ZNF804A: variants seen among roughly 807,000 people sequenced by gnomAD.
ZNF804A encodes zinc finger protein 804A.
In ZNF804A, 2 loss-of-function variants were observed where a neutral mutation model predicts 16.5. That is an observed-to-expected ratio of 0.12 (90% CI 0.05 to 0.38). ZNF804A has a LOEUF of 0.38. Among genes scored for constraint, ZNF804A ranks in the 10% least tolerant of loss-of-function variants. The pLI is 0.99. For missense variants in ZNF804A, 1,473 were observed against 1,390.7 expected (o/e 1.06, Z -0.94); for synonymous variants, 534 against 489.6 (o/e 1.09, Z -1.20).
chr2:184,604,532 A>G (rs1691110872), intron 1 of ZNF804A, among the ~76,000 whole-genome samples: 1 of 152,082 alleles, frequency 6.6e-6, no homozygotes, highest in Non-Finnish European at 1.5e-5. Flanking sequence ...TCTAGAGGTT[A>G]ATGGAATTAT....
At chr2:184,624,591 T>A (rs1279212998) in intron 1 of ZNF804A, among the ~76,000 whole-genome samples, 1 of 152,154 alleles carries the variant, frequency 6.6e-6, no homozygotes, top group Non-Finnish European at 1.5e-5. Flanking sequence ...GAATTATTCA[T>A]AACAGAGGTT....
chr2:184,606,421 G>A (rs1489829214), intron 1 of ZNF804A, among the ~76,000 whole-genome samples: 1 of 152,072 alleles, frequency 6.6e-6, no homozygotes, highest in Non-Finnish European at 1.5e-5. Flanking sequence ...GAACAGCATG[G>A]GGGAAACTGC....
chr2:184,649,435 A>G (rs577841880), intron 1 of ZNF804A, among the ~76,000 whole-genome samples: 1 of 152,144 alleles, frequency 6.6e-6, no homozygotes, highest in East Asian at 1.9e-4. Flanking sequence ...TAAAATCAGA[A>G]CAAAACTGAA....
chr2:184,869,025 C>T (rs567897975), intron 2 of ZNF804A, among the ~76,000 whole-genome samples: 8 of 152,078 alleles, frequency 5.3e-5, no homozygotes, highest in Non-Finnish European at 5.9e-5. Context: ...ACTCTTCGTG[C>T]GCTGAAATGC....
chr2:184,913,561 C>A (rs1388516143), intron 2 of ZNF804A, among the ~76,000 whole-genome samples: 2 of 152,126 alleles, frequency 1.3e-5, no homozygotes, highest in Non-Finnish European at 1.5e-5. Flanking sequence ...AGTTCCTTTT[C>A]CTTTTTCCAG....
At chr2:184,781,504 TG>T (rs1694370870) in intron 1 of ZNF804A, among the ~76,000 whole-genome samples, 1 of 151,924 alleles carries the variant, frequency 6.6e-6, no homozygotes, top group South Asian at 2.1e-4. Flanking sequence ...AATAACACAA[TG>T]GTTTAAGTAC....
intron 1 of ZNF804A, among the ~76,000 whole-genome samples, chr2:184,787,174 C>G (rs1006905076): frequency 6.6e-6 from 1 of 151,962 alleles, no homozygotes; most frequent in African/African-American, 2.4e-5. Context: ...CATTCTTACA[C>G]TTTGTTTAGC....
intron 2 of ZNF804A, among the ~76,000 whole-genome samples, chr2:184,876,698 T>G (rs1037514738): frequency 1.3e-5 from 2 of 152,198 alleles, no homozygotes; most frequent in Admixed American, 1.3e-4. Flanking sequence ...TTCTAGCATC[T>G]GAAATGTTGC....
In ZNF804A at chr2:184,701,207, A is replaced by T. The variant is rs185917860; in HGVS notation, c.111+102137A>T. Among the ~76,000 whole-genome samples the T allele has an allele frequency of 2.0e-3, 304 of 152,030 alleles. 1 individual carries two copies. The highest frequency in any genetic ancestry group is 7.0e-3 in the African/African-American group (292 of 41,536). On this transcript the variant is annotated intron_variant, in intron 1 of 3. Transcript: ENST00000302277. ...TAAAACTGTGATTCAACCCTTCTAA[A>T]ATCACTAGTTTTATAGTAAATAGAC...
At chr2:184,724,713 A>G (rs1214407020) in intron 1 of ZNF804A, among the ~76,000 whole-genome samples, 1 of 151,770 alleles carries the variant, frequency 6.6e-6, no homozygotes, top group East Asian at 1.9e-4. Flanking sequence ...CCATCTAACT[A>G]CAAAGAAGGG....
At chr2:184,663,906 A>T (rs1000544181) in intron 1 of ZNF804A, among the ~76,000 whole-genome samples, 2 of 152,200 alleles carry the variant, frequency 1.3e-5, no homozygotes, top group African/African-American at 4.8e-5. Context: ...CAAAAAGCAG[A>T]GCAAATGATT....
At chr2:184,736,973 T>C (rs962807063) in intron 1 of ZNF804A, among the ~76,000 whole-genome samples, 1 of 151,980 alleles carries the variant, frequency 6.6e-6, no homozygotes, top group Non-Finnish European at 1.5e-5. Context: ...ATATTAAACA[T>C]TGGTTCATTG....
chr2:184,737,953 G>A (rs1273015117), intron 1 of ZNF804A, among the ~76,000 whole-genome samples: 1 of 151,830 alleles, frequency 6.6e-6, no homozygotes, highest in Non-Finnish European at 1.5e-5. Flanking sequence ...GAGAAACCCT[G>A]CCTCTACTAA....
At chr2:184,898,497 G>A (rs1432991819) in intron 2 of ZNF804A, among the ~76,000 whole-genome samples, 1 of 151,996 alleles carries the variant, frequency 6.6e-6, no homozygotes, top group Non-Finnish European at 1.5e-5. Context: ...CCTATACTAA[G>A]CCTGGGGACG....
intron 1 of ZNF804A, among the ~76,000 whole-genome samples, chr2:184,661,601 A>G (rs1025952301): frequency 6.6e-6 from 1 of 152,178 alleles, no homozygotes; most frequent in South Asian, 2.1e-4. Flanking sequence ...AAAAAGCACC[A>G]TTCAATTGGT....
chr2:184,864,507 A>G (rs1416789271), intron 1 of ZNF804A, among the ~76,000 whole-genome samples: 1 of 152,200 alleles, frequency 6.6e-6, no homozygotes, highest in East Asian at 1.9e-4. Context: ...ATAAAACATA[A>G]CAATAGATTA....
intron 1 of ZNF804A, among the ~76,000 whole-genome samples, chr2:184,675,833 A>G (rs1285692550): frequency 6.6e-6 from 1 of 151,730 alleles, no homozygotes; most frequent in East Asian, 1.9e-4. Context: ...TGGATGAAAT[A>G]CTTTCCACAC....
At chr2:184,613,879 A>G (rs534471793) in intron 1 of ZNF804A, among the ~76,000 whole-genome samples, 1 of 152,328 alleles carries the variant, frequency 6.6e-6, no homozygotes, top group African/African-American at 2.4e-5. Context: ...TTATAGATTC[A>G]ATGCTATCCC....
intron 1 of ZNF804A, among the ~76,000 whole-genome samples, chr2:184,682,971 G>A (rs545912316): frequency 2.0e-5 from 3 of 152,236 alleles, no homozygotes; most frequent in Non-Finnish European, 2.9e-5. Flanking sequence ...TTGTGCCTCC[G>A]CACTCCATGC....
Sources: gnomAD v4.1 joint callset for allele counts (sites outside exome capture counted in the v4.1 genomes callset) on GRCh38, gnomAD v4.1.1 for gene constraint, MANE v1.5 for transcripts, NCBI Gene and HGNC (gene_info 2026-07-23, HGNC 2026-07-21) for gene names.